DYNC1I1: variants seen among roughly 807,000 people sequenced by gnomAD.
DYNC1I1 encodes the protein cytoplasmic dynein 1 intermediate chain 1.
A neutral mutation model predicts 86.6 loss-of-function variants in DYNC1I1; 43 were observed. That is an observed-to-expected ratio of 0.50 (90% CI 0.39 to 0.64). The LOEUF is 0.64. Among genes scored for constraint, DYNC1I1 ranks in the 30% least tolerant of loss-of-function variants. The pLI is 0.00. For synonymous variants in DYNC1I1, 262 were observed against 283.7 expected, an observed-to-expected ratio of 0.92 and a Z score of 0.77; for missense variants, 604 against 788.8, an observed-to-expected ratio of 0.77 and a Z score of 2.81.
At chr7:95,811,549 T>A (rs1388407153) in intron 3 of DYNC1I1, among the ~76,000 whole-genome samples, 1 of 152,118 alleles carries the variant, frequency 6.6e-6, no homozygotes, top group East Asian at 1.9e-4. Context: ...AGCTTAAAAA[T>A]TATTAAGTAT....
chr7:95,934,005 A>G (rs1318125467), intron 6 of DYNC1I1, among the ~76,000 whole-genome samples: 1 of 152,150 alleles, frequency 6.6e-6, no homozygotes, highest in East Asian at 1.9e-4. Flanking sequence ...ATACAGTAGT[A>G]TAGAAGAAAG....
intron 6 of DYNC1I1, among the ~76,000 whole-genome samples, chr7:95,957,646 GTCAGGA>G (rs1338241876): frequency 6.6e-6 from 1 of 152,212 alleles, no homozygotes; most frequent in Non-Finnish European, 1.5e-5. Flanking sequence ...AACTGGAGAT[GTCAGGA>G]TTGGGGAAGT....
Position 95,972,835 on chromosome 7 carries a change from T to C in DYNC1I1, c.491-4677T>C, listed in dbSNP as rs558727185. ...TGCATAATATGTAGTTACTCATTCT[T>C]AGACCTCTGAAAATCTTAAGGGAGG... On this transcript the variant is annotated intron_variant, in intron 6 of 16. Transcript: ENST00000447467. Among the ~76,000 whole-genome samples, 4 of 152,312 alleles carry C rather than the reference T, an allele frequency of 2.6e-5. No individual in the cohort carries two copies. In the East Asian group the frequency reaches 7.7e-4, roughly 29 times the overall value.
At chr7:96,077,239 T>TTGTGTGTGTGTGTGTGTG (rs3047672) in intron 15 of DYNC1I1, among the ~76,000 whole-genome samples, 1 of 144,434 alleles carries the variant, frequency 6.9e-6, no homozygotes, top group African/African-American at 2.6e-5. Context: ...TCCCTAGTAT[T>TTGTGTGTGTGTGTGTGTG]TGTGTGTGTG....
In DYNC1I1 at chr7:96,019,995, G is replaced by C. The variant is rs191705903; in HGVS notation, c.970-8180G>C. On this transcript the variant is annotated intron_variant, in intron 10 of 16. Transcript: ENST00000447467. Reference sequence around the variant, plus strand: ...GGGAAAATAGGCAAAGAAAATGCCTGTTCCATAGGTAGGGCAAGAACTGTC... The same window carrying C: ...GGGAAAATAGGCAAAGAAAATGCCTCTTCCATAGGTAGGGCAAGAACTGTC... Among the ~76,000 whole-genome samples the C allele has an allele frequency of 2.0e-3, 302 of 150,840 alleles. 2 individuals carry two copies. The highest frequency in any genetic ancestry group is 6.2e-3 in the African/African-American group (254 of 41,018).
intron 9 of DYNC1I1, among the ~76,000 whole-genome samples, chr7:95,993,069 A>G (rs1180700824): frequency 1.3e-5 from 2 of 152,222 alleles, no homozygotes; most frequent in Admixed American, 1.3e-4. Flanking sequence ...TATTCTCTTT[A>G]AAAACATAAC....
intron 10 of DYNC1I1, among the ~76,000 whole-genome samples, chr7:96,013,039 G>A (rs1794313274): frequency 6.6e-6 from 1 of 152,048 alleles, no homozygotes; most frequent in African/African-American, 2.4e-5. Context: ...TCAGGTGATG[G>A]GTACCCTAAA....
At chr7:96,044,384 G>A (rs1257381374) in intron 14 of DYNC1I1, among the ~76,000 whole-genome samples, 1 of 151,852 alleles carries the variant, frequency 6.6e-6, no homozygotes, top group African/African-American at 2.4e-5. Flanking sequence ...GTTGAGGGTG[G>A]GACAAAAAAT....
intron 14 of DYNC1I1, among the ~76,000 whole-genome samples, chr7:96,069,488 C>A (rs1790098905): frequency 1.3e-5 from 2 of 152,134 alleles, no homozygotes; most frequent in Admixed American, 1.3e-4. Context: ...ATTGAATTGG[C>A]TGTAAGAGGT....
intron 6 of DYNC1I1, among the ~76,000 whole-genome samples, chr7:95,971,328 A>G (rs1197772866): frequency 1.3e-5 from 2 of 152,226 alleles, no homozygotes; most frequent in African/African-American, 2.4e-5. Flanking sequence ...ATATCTTCCA[A>G]TATATTTTTT....
intron 6 of DYNC1I1, 41 bp downstream of exon 6, chr7:95,870,039 A>G (rs1790122173): frequency 6.5e-7 from 1 of 1,540,912 alleles, no homozygotes; most frequent in African/African-American, 1.4e-5. Context: ...TTATCTCTGG[A>G]GAAATCGCTG....
chr7:95,942,454 C>A (rs981399751), intron 6 of DYNC1I1, among the ~76,000 whole-genome samples: 1 of 152,176 alleles, frequency 6.6e-6, no homozygotes, highest in African/African-American at 2.4e-5. Flanking sequence ...CAAGGAGGAA[C>A]TGGTACCATT....
At chr7:95,968,804 A>G (rs927882369) in intron 6 of DYNC1I1, among the ~76,000 whole-genome samples, 26 of 147,910 alleles carry the variant, frequency 1.8e-4, no homozygotes, top group Non-Finnish European at 3.6e-4. Flanking sequence ...TGCATCTTCA[A>G]TTGTTCTGAA....
rs943317498 is a variant in DYNC1I1 at position 96,022,723 on chromosome 7, G to A, written c.970-5452G>A. Among the ~76,000 whole-genome samples, 77 of 151,770 alleles carry A rather than the reference G, an allele frequency of 5.1e-4. 1 individual carries two copies. Among genetic ancestry groups the A allele is most frequent in the Admixed American group, 6.6e-4 (10 of 15,230 alleles). ...ACAAAAAAATTTTAAAAATTACCTC[G>A]GTGTGGTTGCATGTGCCTGTAATCC... On this transcript the variant is annotated intron_variant, in intron 10 of 16. Coordinates refer to ENST00000447467, the MANE Select transcript of DYNC1I1 (RefSeq NM_001135556.2).
chr7:96,103,665 T>G (rs1287925869), intron 16 of DYNC1I1, among the ~76,000 whole-genome samples: 3 of 148,876 alleles, frequency 2.0e-5, no homozygotes, highest in Non-Finnish European at 4.4e-5. Context: ...CAAGCTGGAG[T>G]GCGGTAACAT....
intron 2 of DYNC1I1, among the ~76,000 whole-genome samples, chr7:95,809,599 G>T (rs1794782348): frequency 6.6e-6 from 1 of 152,108 alleles, no homozygotes; most frequent in Non-Finnish European, 1.5e-5. Flanking sequence ...TCCCACCACA[G>T]ATCTTGTTTA....
intron 5 of DYNC1I1, among the ~76,000 whole-genome samples, chr7:95,859,243 T>C (rs1211171650): frequency 2.6e-5 from 4 of 152,000 alleles, no homozygotes; most frequent in Admixed American, 1.3e-4. Context: ...TTTCTCTGTA[T>C]TTTCTTGAAG....
chr7:95,835,645 T>C (rs1360182706), intron 5 of DYNC1I1, among the ~76,000 whole-genome samples: 3 of 152,154 alleles, frequency 2.0e-5, no homozygotes, highest in South Asian at 4.1e-4. Context: ...TCTTTATGAA[T>C]CTGGGTGCTC....
At chr7:95,969,385 G>A (rs1793106781) in intron 6 of DYNC1I1, among the ~76,000 whole-genome samples, 1 of 152,104 alleles carries the variant, frequency 6.6e-6, no homozygotes, top group South Asian at 2.1e-4. Context: ...GATGGTAGTG[G>A]GTCTTAAATG....
Sources: allele counts gnomAD v4.1 joint callset (sites outside exome capture counted in the v4.1 genomes callset), GRCh38; gene constraint gnomAD v4.1.1; transcripts MANE v1.5; gene names NCBI Gene and HGNC (gene_info 2026-07-23, HGNC 2026-07-21).